The following PGCKA1 variants were observed in gnomAD, a reference collection of about 807,000 sequenced individuals.
The protein encoded by PGCKA1 is PDCD10 and GCKIII kinases associated 1, also known as PDCD10 and GCKIII kinases-associated protein 1.
At chr4:37,557,296 A>G in the PGCKA1 span, among the ~76,000 whole-genome samples, 1 of 152,326 alleles carries the variant, frequency 6.6e-6, no homozygotes, top group African/African-American at 2.4e-5. Flanking sequence ...TCGCTTAGTC[A>G]AAACTTTGTC....
At chr4:37,548,765 G>T in the PGCKA1 span, among the ~76,000 whole-genome samples, 30 of 151,446 alleles carry the variant, frequency 2.0e-4, no homozygotes, top group African/African-American at 6.8e-4. Flanking sequence ...GGTGCTAAAA[G>T]AAACATTCAT....
the PGCKA1 span, among the ~76,000 whole-genome samples, chr4:37,583,281 C>T: frequency 2.6e-5 from 4 of 152,150 alleles, no homozygotes; most frequent in South Asian, 2.1e-4. Flanking sequence ...CTAATGAATA[C>T]TCAGTTAATT....
chr4:37,572,005 A>C, the PGCKA1 span, among the ~76,000 whole-genome samples: 1 of 151,198 alleles, frequency 6.6e-6, no homozygotes, highest in South Asian at 2.1e-4. Context: ...CAGGCAGAGT[A>C]AGAACTGACC....
the PGCKA1 span, among the ~76,000 whole-genome samples, chr4:37,521,878 G>T: frequency 6.6e-6 from 1 of 152,068 alleles, no homozygotes; most frequent in Non-Finnish European, 1.5e-5. Flanking sequence ...AGTGTTAGGT[G>T]CATATATATT....
At chr4:37,589,004 A>C in the PGCKA1 span, 2 of 804,314 alleles carry the variant, frequency 2.5e-6, no homozygotes. Flanking sequence ...AGCTTGGGGC[A>C]TGATCAACAT....
the PGCKA1 span, among the ~76,000 whole-genome samples, chr4:37,567,060 A>ACT: frequency 9.6e-3 from 1,353 of 140,568 alleles, 4 homozygotes; most frequent in Middle Eastern, 0.019. Context: ...AATCCAGCGG[A>ACT]CAAAAAAAAA....
At chr4:37,571,517 CG>C in the PGCKA1 span, among the ~76,000 whole-genome samples, 2 of 151,300 alleles carry the variant, frequency 1.3e-5, no homozygotes, top group Non-Finnish European at 2.9e-5. Flanking sequence ...TGCCTGCCAC[CG>C]TGCCCAGCTA....
At chr4:37,470,622 A>G in the PGCKA1 span, among the ~76,000 whole-genome samples, 1 of 152,216 alleles carries the variant, frequency 6.6e-6, no homozygotes, top group Admixed American at 6.5e-5. Context: ...GTCGGGTTTA[A>G]GAGAAGATGG....
the PGCKA1 span, among the ~76,000 whole-genome samples, chr4:37,514,826 T>C: frequency 6.6e-6 from 1 of 152,204 alleles, no homozygotes; most frequent in African/African-American, 2.4e-5. Flanking sequence ...ATCCTCAAGA[T>C]AGCTGATCTA....
At chr4:37,555,445 T>A in the PGCKA1 span, among the ~76,000 whole-genome samples, 1 of 152,186 alleles carries the variant, frequency 6.6e-6, no homozygotes, top group African/African-American at 2.4e-5. Flanking sequence ...ACCGATTCCT[T>A]GCATGGCCCT....
chr4:37,530,012 T>A, the PGCKA1 span, among the ~76,000 whole-genome samples: 2 of 152,072 alleles, frequency 1.3e-5, no homozygotes, highest in Non-Finnish European at 2.9e-5. Flanking sequence ...AGAAGTGGGG[T>A]AGGTAAAGGA....
chr4:37,470,055 A>G, the PGCKA1 span, among the ~76,000 whole-genome samples: 6 of 152,324 alleles, frequency 3.9e-5, no homozygotes, highest in South Asian at 4.1e-4. Context: ...CACTCAACAA[A>G]TATGTATTGA....
At chr4:37,537,743 C>T in the PGCKA1 span, among the ~76,000 whole-genome samples, 1 of 152,110 alleles carries the variant, frequency 6.6e-6, no homozygotes, top group Non-Finnish European at 1.5e-5. Flanking sequence ...CATGCATCCA[C>T]CATACTGAAG....
chr4:37,500,724 A>G, the PGCKA1 span, among the ~76,000 whole-genome samples: 1 of 152,150 alleles, frequency 6.6e-6, no homozygotes, highest in Non-Finnish European at 1.5e-5. Context: ...TGGGGTATTG[A>G]AGTCTCCCAG....
chr4:37,536,883 T>C, the PGCKA1 span, among the ~76,000 whole-genome samples: 1 of 152,148 alleles, frequency 6.6e-6, no homozygotes, highest in Non-Finnish European at 1.5e-5. Context: ...ATGGGAAAGA[T>C]TTAGGGGACG....
the PGCKA1 span, among the ~76,000 whole-genome samples, chr4:37,518,943 G>T: frequency 1.3e-5 from 2 of 152,272 alleles, no homozygotes; most frequent in Middle Eastern, 3.4e-3. Context: ...ATTGATTTTT[G>T]TATATGGCAA....
chr4:37,560,857 C>A, the PGCKA1 span, among the ~76,000 whole-genome samples: 1 of 152,142 alleles, frequency 6.6e-6, no homozygotes, highest in Non-Finnish European at 1.5e-5. Flanking sequence ...TTTCTTTCAA[C>A]TATCTTTTTC....
the PGCKA1 span, among the ~76,000 whole-genome samples, chr4:37,550,852 C>T: frequency 1.3e-5 from 2 of 152,140 alleles, no homozygotes; most frequent in African/African-American, 4.8e-5. Context: ...CCTACAGACC[C>T]AGTTCCTGAT....
the PGCKA1 span, among the ~76,000 whole-genome samples, chr4:37,478,131 A>T: frequency 1.7e-4 from 22 of 131,078 alleles, no homozygotes; most frequent in East Asian, 4.6e-4. Context: ...TTTTATTTTT[A>T]TTTTAAAAAC....
Sources: gnomAD v4.1 joint callset for allele counts (sites outside exome capture counted in the v4.1 genomes callset) on GRCh38, gnomAD v4.1.1 for gene constraint, MANE v1.5 for transcripts, NCBI Gene and HGNC (gene_info 2026-07-23, HGNC 2026-07-21) for gene names.